GCNT4: variants seen among roughly 807,000 people sequenced by gnomAD.
GCNT4 encodes the protein glucosaminyl (N-acetyl) transferase 4.
GCNT4 carries 17 observed loss-of-function variants against 31.3 expected under a neutral mutation model. The observed-to-expected ratio is 0.54, with a 90% CI of 0.37 to 0.81. The LOEUF (loss-of-function observed/expected upper bound fraction) is 0.81. Among genes scored for constraint, GCNT4 ranks in the 40% least tolerant of loss-of-function variants. The probability of loss-of-function intolerance (pLI) is 0.00; values close to 1 mark genes in which losing one functional copy is unlikely to be tolerated. For missense variants in GCNT4, 503 were observed against 525.5 expected, an observed-to-expected ratio of 0.96 and a Z score of 0.42; for synonymous variants, 158 against 190.6, an observed-to-expected ratio of 0.83 and a Z score of 1.41.
At chr5:75,019,842 G>A in the GCNT4 span, among the ~76,000 whole-genome samples, 4 of 152,292 alleles carry the variant, frequency 2.6e-5, no homozygotes, top group South Asian at 2.1e-4. Context: ...AGTGCTAAAT[G>A]AGAGTAAGAT....
Position 75,026,647 on chromosome 5 carries a change from C to CAAAAAAAAA in GCNT4, c.*2020_*2028dup, listed in dbSNP as rs547466422. 27 of 65,782 alleles carry CAAAAAAAAA rather than the reference C, an allele frequency of 4.1e-4. 2 individuals are homozygous for CAAAAAAAAA. The highest frequency in any genetic ancestry group is 1.3e-3 in the African/African-American group (25 of 19,168). The allele number at this position is 65,782 out of a possible 1,614,324, so 4.1% of individuals were successfully genotyped here. A position where few individuals can be genotyped will look rare whatever the true frequency, so the allele number is the denominator to read the frequency against. Reference sequence around the variant, plus strand: ...CATATACTATTTCAATCGATTCTCACAAAAAAAAAAAAAAAAAAAAAAAAA... The same window carrying CAAAAAAAAA: ...CATATACTATTTCAATCGATTCTCACAAAAAAAAAAAAAAAAAAAAAAAAAAAAAAAAAA... On this transcript the variant is annotated 3_prime_UTR_variant, in exon 4 of 4. Coordinates refer to ENST00000652361, the MANE Select transcript of GCNT4 (RefSeq NM_001366737.1).
At position 75,041,412 on chromosome 5, in the gene GCNT4, T is replaced by C. The variant is rs187219947; in HGVS notation, c.-2+6485A>G. Among the ~76,000 whole-genome samples the C allele has an allele frequency of 7.2e-5, 11 of 152,354 alleles. 1 individual carries two copies. Among genetic ancestry groups the C allele is most frequent in the Admixed American group, 2.0e-4 (3 of 15,304 alleles). ...AGCTTTCTCTCTAGGCCTGCAATTA[T>C]GAACGTCATCATCTTCCCTGAATAA... is the stretch of plus-strand genomic sequence containing the variant. On this transcript the variant is annotated intron_variant, in intron 3 of 3. Coordinates refer to ENST00000652361, the MANE Select transcript of GCNT4 (RefSeq NM_001366737.1).
the GCNT4 span, among the ~76,000 whole-genome samples, chr5:75,019,512 G>A: frequency 6.6e-6 from 1 of 152,150 alleles, no homozygotes; most frequent in African/African-American, 2.4e-5. Context: ...GCTTGGACTT[G>A]GGAGCCACAC....
At chr5:75,033,179 A>G (rs1460487525) in intron 3 of GCNT4, among the ~76,000 whole-genome samples, 4 of 152,204 alleles carry the variant, frequency 2.6e-5, no homozygotes, top group Non-Finnish European at 5.9e-5. Flanking sequence ...AATAAAAAAG[A>G]CAAAGGCCAG....
At chr5:75,031,920 A>G (rs935594951) in intron 3 of GCNT4, among the ~76,000 whole-genome samples, 26 of 152,160 alleles carry the variant, frequency 1.7e-4, no homozygotes, top group Admixed American at 7.9e-4. Context: ...GCAATTTCCT[A>G]ACATATCTCA....
chr5:75,041,113 T>C (rs758810346), intron 3 of GCNT4, among the ~76,000 whole-genome samples: 2 of 152,262 alleles, frequency 1.3e-5, no homozygotes, highest in African/African-American at 2.4e-5. Flanking sequence ...GTTCATTATC[T>C]TTTATGGGCA....
chr5:75,039,345 C>T (rs1363825272), intron 3 of GCNT4, among the ~76,000 whole-genome samples: 3 of 152,130 alleles, frequency 2.0e-5, no homozygotes, highest in Non-Finnish European at 2.9e-5. Flanking sequence ...CCACTTGCCT[C>T]GGCCTCCCAA....
intron 2 of GCNT4, among the ~76,000 whole-genome samples, chr5:75,049,262 T>A (rs1743513356): frequency 6.6e-6 from 1 of 152,262 alleles, no homozygotes; most frequent in African/African-American, 2.4e-5. Context: ...TTTTCTGGCA[T>A]CTTATATGGT....
intron 3 of GCNT4, among the ~76,000 whole-genome samples, chr5:75,042,265 T>G (rs1026996665): frequency 1.1e-4 from 17 of 152,234 alleles, no homozygotes; most frequent in African/African-American, 3.9e-4. Context: ...TTGGCTTCTT[T>G]TTCTATAAAG....
the GCNT4 span, among the ~76,000 whole-genome samples, chr5:75,018,243 G>T: frequency 6.6e-6 from 1 of 152,112 alleles, no homozygotes; most frequent in Non-Finnish European, 1.5e-5. Flanking sequence ...TGTTGTGCCT[G>T]CTGTGAGTCA....
At chr5:75,037,986 AAAAT>A (rs935749111) in intron 3 of GCNT4, among the ~76,000 whole-genome samples, 4 of 151,904 alleles carry the variant, frequency 2.6e-5, no homozygotes, top group African/African-American at 7.2e-5. Context: ...TCCAAAAACG[AAAAT>A]AAAGCTCACC....
In GCNT4 at chr5:75,027,442, A is replaced by G. The variant is rs890902162; in HGVS notation, c.*1234T>C. 3 of 141,210 alleles carry G rather than the reference A, an allele frequency of 2.1e-5. No individual in the cohort carries two copies. In the Admixed American group the frequency reaches 2.2e-4, roughly 10 times the overall value. 8.7% of individuals were successfully genotyped at this position (141,210 alleles called of 1,614,324 possible). A position where few individuals can be genotyped will look rare whatever the true frequency, so the allele number is the denominator to read the frequency against. ...TATATTACATATATATAAAATATAT[A>G]TTATATATATATATTTTTGACTCAT... is the stretch of plus-strand genomic sequence containing the variant. On this transcript the variant is annotated 3_prime_UTR_variant, in exon 4 of 4. Transcript: ENST00000652361.
chr5:75,032,254 T>G (rs1464110673), intron 3 of GCNT4, among the ~76,000 whole-genome samples: 1 of 152,164 alleles, frequency 6.6e-6, no homozygotes, highest in East Asian at 1.9e-4. Flanking sequence ...AGATTCCACC[T>G]TCCACACTGA....
downstream of GCNT4, among the ~76,000 whole-genome samples, chr5:75,024,565 C>A (rs960869410): frequency 6.6e-6 from 1 of 152,098 alleles, no homozygotes; most frequent in Non-Finnish European, 1.5e-5. Context: ...CTCAGTAGAG[C>A]TGGGAGAACA....
At position 75,028,866 on chromosome 5, in the gene GCNT4, C is replaced by T; in HGVS notation, c.1172G>A (p.Cys391Tyr). The change falls in exon 4 of 4, where the codon TGT becomes TAT. Residue 391 changes from cysteine to tyrosine, a missense_variant. Cys to Tyr is a radical substitution (Grantham distance 194). Transcript: ENST00000652361. ...SCTGSHLRSV[C>Y]IYGAAELRWL... ...CCTTAATTCTGCAGCTCCATAAATA[C>T]ACACGCTTCGAAGGTGAGATCCAGT... 1.2e-6 allele frequency: 2 copies of T among 1,614,058 alleles called. No homozygotes were observed. Among genetic ancestry groups the T allele is most frequent in the South Asian group, 1.1e-5 (1 of 91,074 alleles).
At chr5:75,030,150 T>C (rs1047744832) in intron 3 of GCNT4, 112 bp from the exon 4 acceptor site, 5 of 944,196 alleles carry the variant, frequency 5.3e-6, no homozygotes, top group Non-Finnish European at 8.0e-6. Context: ...GCCCCAAAGA[T>C]GAATGAAACA....
At position 75,041,839 on chromosome 5, in the gene GCNT4, T is replaced by C. The variant is rs147574486; in HGVS notation, c.-2+6058A>G. 1.8e-3 allele frequency among the ~76,000 whole-genome samples: 280 copies of C among 152,334 alleles called. 2 individuals carry two copies. In the Middle Eastern group the frequency reaches 0.02, roughly 11 times the overall value. On this transcript the variant is annotated intron_variant, in intron 3 of 3. Coordinates refer to ENST00000652361, the MANE Select transcript of GCNT4 (RefSeq NM_001366737.1). ...GTGTATCTAGCTGGGCAAAGATACA[T>C]GGCTAAAGTCTTTAGCAGGAAGTGT...
At chr5:75,048,624 T>C (rs1434730495) in intron 2 of GCNT4, among the ~76,000 whole-genome samples, 1 of 152,198 alleles carries the variant, frequency 6.6e-6, no homozygotes, top group Non-Finnish European at 1.5e-5. Context: ...GAAAGCTGAA[T>C]GCAGGCTGCA....
chr5:75,021,009 AG>A (rs1328320797), downstream of GCNT4, among the ~76,000 whole-genome samples: 1 of 152,172 alleles, frequency 6.6e-6, no homozygotes, highest in Non-Finnish European at 1.5e-5. Flanking sequence ...TATGACTACA[AG>A]GTAGTTTTTA....
Sources: gnomAD v4.1 joint callset for allele counts (sites outside exome capture counted in the v4.1 genomes callset) on GRCh38, gnomAD v4.1.1 for gene constraint, MANE v1.5 for transcripts, NCBI Gene and HGNC (gene_info 2026-07-23, HGNC 2026-07-21) for gene names.